WDHD1: variants seen among roughly 807,000 people sequenced by gnomAD.
WDHD1 encodes WD repeat and HMG-box DNA-binding protein 1.
Under a neutral mutation model 135.4 loss-of-function variants are expected in WDHD1, and 111 were observed. That is an observed-to-expected ratio of 0.82 (90% CI 0.70 to 0.96). WDHD1 has a LOEUF of 0.96. Ranked by LOEUF, WDHD1 falls within the 40% of genes least tolerant of loss-of-function variation. WDHD1 has a pLI of 0.00. For missense variants in WDHD1, 1,351 were observed against 1,336.3 expected, an observed-to-expected ratio of 1.01 and a Z score of -0.17; for synonymous variants, 434 against 439.0, an observed-to-expected ratio of 0.99 and a Z score of 0.14.
At chr14:55,015,278 T>C (rs542207081) in intron 2 of WDHD1, among the ~76,000 whole-genome samples, 14 of 147,494 alleles carry the variant, frequency 9.5e-5, no homozygotes, top group African/African-American at 3.5e-4. Context: ...TCCCAGCTAC[T>C]CCAGAGGCTG....
chr14:55,007,247 AAAG>A (rs765496031), intron 7 of WDHD1, 30 bp downstream of exon 7: 52 of 1,487,158 alleles, frequency 3.5e-5, no homozygotes, highest in Non-Finnish European at 4.2e-5. Context: ...AAAAAAAAAA[AAAG>A]AAAAGAAAAG....
intron 16 of WDHD1, among the ~76,000 whole-genome samples, chr14:54,977,606 T>A (rs1028420036): frequency 2.0e-5 from 3 of 152,294 alleles, no homozygotes; most frequent in Non-Finnish European, 4.4e-5. Flanking sequence ...AGGCATGAAC[T>A]GTTCAACATT....
intron 3 of WDHD1, among the ~76,000 whole-genome samples, chr14:55,012,609 T>C (rs1416255417): frequency 1.3e-5 from 2 of 152,196 alleles, no homozygotes; most frequent in East Asian, 3.8e-4. Context: ...ACAGACTGGG[T>C]AATTTACAAT....
At chr14:55,026,924 C>T in intron 1 of WDHD1, 104 bp downstream of exon 1, 1 of 841,642 alleles carries the variant, frequency 1.2e-6, no homozygotes, top group South Asian at 1.4e-5. Context: ...TTTCCCCCAC[C>T]CGAGTGACAC....
intron 10 of WDHD1, among the ~76,000 whole-genome samples, chr14:54,998,166 T>C (rs918665589): frequency 9.2e-5 from 14 of 151,842 alleles, no homozygotes; most frequent in African/African-American, 3.1e-4. Flanking sequence ...GGAGCCACCA[T>C]TGCACTCCAG....
chr14:54,991,327 G>C lies in WDHD1; in HGVS notation c.1227C>G (p.His409Gln), dbSNP rs1282484157. 5.0e-6 allele frequency: 8 copies of C among 1,614,060 alleles called. No homozygotes were observed. The highest frequency in any genetic ancestry group is 5.9e-6 in the Non-Finnish European group (7 of 1,180,020). ...EEEDGQEGSI[H>Q]NLPLVTSQRP... Reference sequence around the variant, plus strand: ...TTTGGGATGTTACAAGTGGTAGATTGTGAATGCTGCCTTCTTGACCATCTT... The same window carrying C: ...TTTGGGATGTTACAAGTGGTAGATTCTGAATGCTGCCTTCTTGACCATCTT... Residue 409 changes from histidine to glutamine, a missense_variant, in exon 12 of 26, where the codon CAC becomes CAG. Coordinates refer to ENST00000360586, the MANE Select transcript of WDHD1 (RefSeq NM_007086.4).
At chr14:54,966,104 G>A (rs868465662) in intron 18 of WDHD1, among the ~76,000 whole-genome samples, 12 of 147,698 alleles carry the variant, frequency 8.1e-5, no homozygotes, top group African/African-American at 2.7e-4. Context: ...TGAGGCGGGC[G>A]GATCACGAGG....
In WDHD1 at chr14:55,003,535, T is replaced by C. The variant is rs1290699811; in HGVS notation, c.601-1350A>G. Among the ~76,000 whole-genome samples the C allele has an allele frequency of 2.0e-5, 3 of 148,624 alleles. No individual in the cohort carries two copies. The East Asian group carries it at 5.9e-4, about 29-fold the overall frequency. ...GTCTCAAAAAAAAGGAAAGAAAAAA[T>C]AATTTTAAAAGCCAATTGTGTATAT... On this transcript the variant is annotated intron_variant, in intron 7 of 25. Coordinates refer to ENST00000360586, the MANE Select transcript of WDHD1 (RefSeq NM_007086.4).
At chr14:55,016,585 T>C (rs1404363867) in intron 2 of WDHD1, among the ~76,000 whole-genome samples, 1 of 152,246 alleles carries the variant, frequency 6.6e-6, no homozygotes, top group Non-Finnish European at 1.5e-5. Context: ...TGAAGCATGA[T>C]TCTTCCTAAG....
At chr14:55,001,694 T>C (rs2041983701) in intron 8 of WDHD1, among the ~76,000 whole-genome samples, 1 of 152,244 alleles carries the variant, frequency 6.6e-6, no homozygotes, top group African/African-American at 2.4e-5. Flanking sequence ...TAGTAAGCCA[T>C]TGCTGACCTA....
chr14:54,990,936 C>T (rs2041776008), intron 12 of WDHD1, among the ~76,000 whole-genome samples: 2 of 152,090 alleles, frequency 1.3e-5, no homozygotes, highest in South Asian at 4.2e-4. Context: ...GAAAGTATTG[C>T]CAAGAAATAT....
At chr14:54,974,347 C>G (rs958409582) in intron 16 of WDHD1, among the ~76,000 whole-genome samples, 4 of 151,670 alleles carry the variant, frequency 2.6e-5, no homozygotes, top group African/African-American at 9.7e-5. Context: ...GACGGAGGAT[C>G]GCTTGAGGCC....
At chr14:55,023,378 G>GT (rs1238851198) in intron 2 of WDHD1, among the ~76,000 whole-genome samples, 2 of 152,210 alleles carry the variant, frequency 1.3e-5, no homozygotes, top group Non-Finnish European at 2.9e-5. Flanking sequence ...CATAGCTGCA[G>GT]TAACAGTGTC....
Position 54,987,183 on chromosome 14 carries a change from T to G in WDHD1, c.1731A>C (p.Ala577=). Residue 577 remains alanine (A), a synonymous_variant, in exon 14 of 26, where the codon GCA becomes GCC. Transcript: ENST00000360586. ...CAATGAAAAGCTGTTCTCCATGTCCTGCCATTGACACCACAGGTCCAGCAA... is the reference window on the plus strand; with the variant it reads ...CAATGAAAAGCTGTTCTCCATGTCCGGCCATTGACACCACAGGTCCAGCAA... ...FSLAGPVVSM[A]GHGEQLFIVY... The G allele has an allele frequency of 6.2e-7, 1 of 1,614,222 alleles. No individual in the cohort carries two copies. The highest frequency in any genetic ancestry group is 1.1e-5 in the South Asian group (1 of 91,084).
chr14:55,007,566 A>G (rs2042094244), intron 6 of WDHD1, among the ~76,000 whole-genome samples, 191 bp from the exon 7 acceptor site: 1 of 152,176 alleles, frequency 6.6e-6, no homozygotes, highest in Non-Finnish European at 1.5e-5. Flanking sequence ...GATGAGTACA[A>G]ATCTTAAATA....
intron 7 of WDHD1, among the ~76,000 whole-genome samples, chr14:55,003,316 C>A (rs1338486880): frequency 6.6e-6 from 1 of 151,808 alleles, no homozygotes; most frequent in African/African-American, 2.4e-5. Context: ...TTGAGACTAG[C>A]CTGAGCAACA....
At chr14:55,026,228 G>A (rs898751913) in intron 2 of WDHD1, among the ~76,000 whole-genome samples, 1 of 152,000 alleles carries the variant, frequency 6.6e-6, no homozygotes, top group African/African-American at 2.4e-5. Context: ...CGTAAGAATG[G>A]GACTTGGAAA....
chr14:55,009,621 G>A (rs1003854497), intron 4 of WDHD1, among the ~76,000 whole-genome samples: 4 of 151,970 alleles, frequency 2.6e-5, no homozygotes, highest in Admixed American at 2.0e-4. Context: ...TAATAGAGAC[G>A]AGGTTTCACT....
chr14:54,989,019 T>C lies in WDHD1; in HGVS notation c.1526+9A>G, dbSNP rs747727402. 5 of 1,599,546 alleles carry C rather than the reference T, an allele frequency of 3.1e-6. No individual in the cohort carries two copies. The Admixed American group carries it at 8.5e-5, about 27-fold the overall frequency. The stretch of plus-strand genomic sequence containing the variant: ...AGTGCCAAATTCTTCCTAATAATCT[T>C]GAGTTTACCTTGCTAGTTCATCAGT... On this transcript the variant is annotated intron_variant, in intron 13 of 25. Transcript: ENST00000360586.
Sources: allele counts gnomAD v4.1 joint callset (sites outside exome capture counted in the v4.1 genomes callset), GRCh38; gene constraint gnomAD v4.1.1; transcripts MANE v1.5; gene names NCBI Gene and HGNC (gene_info 2026-07-23, HGNC 2026-07-21).